RSPO2: variants seen among roughly 807,000 people sequenced by gnomAD.
RSPO2 encodes R-spondin-2.
Under a neutral mutation model 30.9 loss-of-function variants are expected in RSPO2, and 14 were observed. The ratio of observed to expected loss-of-function variants is 0.45; its 90% CI spans 0.30 to 0.71. The LOEUF is 0.71. Among genes scored for constraint, RSPO2 ranks in the 30% least tolerant of loss-of-function variants. The pLI is 0.08. For missense variants in RSPO2, 264 were observed against 301.9 expected (o/e 0.87, Z 0.93); for synonymous variants, 107 against 96.4 (o/e 1.11, Z -0.64).
chr8:108,039,539 T>G (rs1022546867), intron 2 of RSPO2, among the ~76,000 whole-genome samples: 1 of 152,126 alleles, frequency 6.6e-6, no homozygotes, highest in African/African-American at 2.4e-5. Context: ...GCTTAAAGTG[T>G]ATTTTCATAA....
intron 3 of RSPO2, among the ~76,000 whole-genome samples, chr8:107,971,479 G>A (rs1353352030): frequency 5.3e-5 from 8 of 152,130 alleles, no homozygotes; most frequent in Admixed American, 2.6e-4. Flanking sequence ...TCCATAAAGG[G>A]TAATGGAATA....
chr8:108,021,004 G>T (rs978243203), intron 2 of RSPO2, among the ~76,000 whole-genome samples: 1 of 152,106 alleles, frequency 6.6e-6, no homozygotes, highest in Non-Finnish European at 1.5e-5. Context: ...CTAAAATAAA[G>T]TTCCTTTCAG....
intron 4 of RSPO2, 100 bp from the exon 5 acceptor site, chr8:107,958,368 T>C: frequency 1.1e-6 from 1 of 895,940 alleles, no homozygotes; most frequent in Non-Finnish European, 1.7e-6. Context: ...GTTCCTTCAC[T>C]AACCCCACCT....
chr8:108,048,521 T>G (rs1250751648), intron 2 of RSPO2, among the ~76,000 whole-genome samples: 2 of 152,012 alleles, frequency 1.3e-5, no homozygotes, highest in Non-Finnish European at 2.9e-5. Flanking sequence ...TGGCGATATC[T>G]CCTTTATCAT....
chr8:107,926,996 A>T (rs1812398573), intron 5 of RSPO2, among the ~76,000 whole-genome samples: 1 of 152,058 alleles, frequency 6.6e-6, no homozygotes, highest in Non-Finnish European at 1.5e-5. Flanking sequence ...CAGTATGGCC[A>T]TTTTCACGAT....
chr8:108,079,935 G>C (rs1281870909), intron 2 of RSPO2, among the ~76,000 whole-genome samples: 2 of 152,228 alleles, frequency 1.3e-5, no homozygotes, highest in Admixed American at 1.3e-4. Context: ...AACTGTCACT[G>C]CTGACATGAT....
intron 3 of RSPO2, among the ~76,000 whole-genome samples, chr8:107,985,231 T>G (rs1814582768): frequency 6.6e-6 from 1 of 152,174 alleles, no homozygotes; most frequent in South Asian, 2.1e-4. Flanking sequence ...GATAAAACTT[T>G]TCTAGAAATC....
intron 5 of RSPO2, among the ~76,000 whole-genome samples, chr8:107,933,472 C>A (rs951593357): frequency 6.6e-6 from 1 of 152,162 alleles, no homozygotes; most frequent in African/African-American, 2.4e-5. Flanking sequence ...CACCCTCTCT[C>A]TATATGTGTG....
At position 107,900,536 on chromosome 8, in the gene RSPO2, A is replaced by C. The variant is rs925735659; in HGVS notation, c.*539T>G. ...TATGTAGCTCCTGCAGTATATGTAC[A>C]TATTAGGGCTGCAGTGAAACTGAGC... is the stretch of plus-strand genomic sequence containing the variant. On this transcript the variant is annotated 3_prime_UTR_variant, in exon 6 of 6. Transcript: ENST00000276659. The C allele has an allele frequency of 6.5e-6, 1 of 152,852 alleles. No homozygotes were observed. The highest frequency in any genetic ancestry group is 1.9e-4 in the East Asian group (1 of 5,210). The allele number at this position is 152,852 out of a possible 1,614,324, so 9.5% of individuals were successfully genotyped here.
At chr8:108,019,624 A>T (rs959283975) in intron 2 of RSPO2, among the ~76,000 whole-genome samples, 1 of 152,124 alleles carries the variant, frequency 6.6e-6, no homozygotes, top group African/African-American at 2.4e-5. Flanking sequence ...TTGCCCTCAA[A>T]TCAAGCTGGG....
chr8:107,917,425 C>T (rs1812016952), intron 5 of RSPO2, among the ~76,000 whole-genome samples: 1 of 152,122 alleles, frequency 6.6e-6, no homozygotes, highest in Non-Finnish European at 1.5e-5. Context: ...GTGGAGGCTG[C>T]AGTAAGCCAA....
chr8:108,070,146 C>T (rs967386311), intron 2 of RSPO2, among the ~76,000 whole-genome samples: 22 of 152,114 alleles, frequency 1.4e-4, no homozygotes, highest in South Asian at 2.1e-4. Context: ...GATGCAGAAG[C>T]ATATGGTGCG....
intron 5 of RSPO2, among the ~76,000 whole-genome samples, chr8:107,907,076 C>T (rs901232454): frequency 3.3e-5 from 5 of 151,794 alleles, no homozygotes. Context: ...TACTTATTCA[C>T]ATAATGTAAA....
At chr8:108,063,839 C>T (rs1432975850) in intron 2 of RSPO2, among the ~76,000 whole-genome samples, 3 of 152,064 alleles carry the variant, frequency 2.0e-5, no homozygotes, top group Non-Finnish European at 4.4e-5. Context: ...AGATATAGAC[C>T]AATGGAACAG....
At chr8:107,931,269 G>A (rs1812546386) in intron 5 of RSPO2, among the ~76,000 whole-genome samples, 1 of 152,058 alleles carries the variant, frequency 6.6e-6, no homozygotes, top group Non-Finnish European at 1.5e-5. Context: ...TTAATATAAA[G>A]TGTGTCTTTA....
intron 2 of RSPO2, among the ~76,000 whole-genome samples, chr8:108,080,415 G>T (rs1813157290): frequency 6.6e-6 from 1 of 152,140 alleles, no homozygotes; most frequent in Admixed American, 6.5e-5. Context: ...TTATTAAATC[G>T]AAAGGTTGAT....
chr8:108,049,526 G>T (rs1050106769), intron 2 of RSPO2, among the ~76,000 whole-genome samples: 1 of 151,792 alleles, frequency 6.6e-6, no homozygotes, highest in African/African-American at 2.4e-5. Flanking sequence ...CAGGCATTAG[G>T]TATTTGTCCT....
intron 5 of RSPO2, among the ~76,000 whole-genome samples, chr8:107,913,697 A>T (rs1462501210): frequency 1.3e-5 from 2 of 152,222 alleles, no homozygotes; most frequent in African/African-American, 4.8e-5. Flanking sequence ...ACCAAATATT[A>T]AAACACGAGA....
chr8:107,960,157 C>A (rs1256149945), intron 4 of RSPO2, among the ~76,000 whole-genome samples: 1 of 151,956 alleles, frequency 6.6e-6, no homozygotes, highest in Non-Finnish European at 1.5e-5. Context: ...GTATATATAT[C>A]AAATTATGCA....
Sources: gnomAD v4.1 joint callset for allele counts (sites outside exome capture counted in the v4.1 genomes callset) on GRCh38, gnomAD v4.1.1 for gene constraint, MANE v1.5 for transcripts, NCBI Gene and HGNC (gene_info 2026-07-23, HGNC 2026-07-21) for gene names.